Variants in COPG2 observed in about 807,000 individuals in gnomAD.
COPG2 encodes the protein coatomer subunit gamma-2.
Under a neutral mutation model 46.3 loss-of-function variants are expected in COPG2, and 37 were observed. That is an observed-to-expected ratio of 0.80 (90% CI 0.61 to 1.05). The LOEUF (loss-of-function observed/expected upper bound fraction) is 1.05. Among genes scored for constraint, COPG2 ranks in the 50% least tolerant of loss-of-function variants. The pLI, the probability that COPG2 is intolerant of heterozygous loss-of-function variation, is 0.00. For synonymous variants in COPG2, 159 were observed against 129.7 expected, an observed-to-expected ratio of 1.23 and a Z score of -1.53; for missense variants, 427 against 387.8, an observed-to-expected ratio of 1.10 and a Z score of -0.85.
intron 12 of COPG2, among the ~76,000 whole-genome samples, chr7:130,556,651 G>T (rs1462554343): frequency 1.3e-5 from 2 of 152,150 alleles, no homozygotes; most frequent in Non-Finnish European, 2.9e-5. Flanking sequence ...AAATATATTA[G>T]TTAATAGATT....
chr7:130,532,887 A>G (rs1799842744), intron 20 of COPG2, among the ~76,000 whole-genome samples: 1 of 152,156 alleles, frequency 6.6e-6, no homozygotes, highest in African/African-American at 2.4e-5. Context: ...ACCTGAGAAC[A>G]TGAATTAGGC....
At chr7:130,551,479 G>A (rs1227417807) in intron 15 of COPG2, 135 bp from the exon 16 acceptor site, 1 of 390,906 alleles carries the variant, frequency 2.6e-6, no homozygotes, top group Non-Finnish European at 4.5e-6. Context: ...ATAGCCAACA[G>A]TGGCTCCTAA....
chr7:130,563,233 C>T (rs1793744722), intron 11 of COPG2, 36 bp downstream of exon 11: 2 of 397,756 alleles, frequency 5.0e-6, no homozygotes, highest in Non-Finnish European at 8.9e-6. Flanking sequence ...CAATTAAATA[C>T]TGATATAAGT....
chr7:130,528,747 G>A (rs1052299913), intron 20 of COPG2, among the ~76,000 whole-genome samples: 2 of 151,646 alleles, frequency 1.3e-5, no homozygotes, highest in Non-Finnish European at 2.9e-5. Flanking sequence ...AGAATGAGTC[G>A]GAGCAGGCAA....
At chr7:130,647,769 C>T (rs544137088) in intron 5 of COPG2, among the ~76,000 whole-genome samples, 2 of 149,118 alleles carry the variant, frequency 1.3e-5, no homozygotes, top group African/African-American at 4.9e-5. Context: ...CTCACTCGGT[C>T]GCCCAGGCTG....
At chr7:130,585,194 C>A (rs1213733810) in intron 9 of COPG2, among the ~76,000 whole-genome samples, 3 of 151,998 alleles carry the variant, frequency 2.0e-5, no homozygotes, top group Non-Finnish European at 4.4e-5. Flanking sequence ...TTTGACAAAG[C>A]AAGCAAAACT....
At chr7:130,548,119 C>T (rs1320382273) in intron 19 of COPG2, among the ~76,000 whole-genome samples, 1 of 152,150 alleles carries the variant, frequency 6.6e-6, no homozygotes, top group Non-Finnish European at 1.5e-5. Context: ...CAGAATAGCC[C>T]ACTTAATCTA....
chr7:130,515,044 A>G (rs1799668075), intron 20 of COPG2, among the ~76,000 whole-genome samples: 1 of 152,170 alleles, frequency 6.6e-6, no homozygotes, highest in East Asian at 1.9e-4. Flanking sequence ...GTTGAAGAGC[A>G]ATGCTTCTTA....
At position 130,668,025 on chromosome 7, in the gene COPG2, TTC is replaced by T. The variant is rs370353801; in HGVS notation, c.38-493_38-492del. Among the ~76,000 whole-genome samples the T allele has an allele frequency of 5.5e-4, 84 of 152,268 alleles. 1 individual carries two copies. In the East Asian group the frequency reaches 0.015, roughly 27 times the overall value. On this transcript the variant is annotated intron_variant, in intron 1 of 23. Transcript: ENST00000425248. ...ATGCTACCAAACACTGAGAATTTTTTTCTTTTTGAGGATGCTTGGCATCTTCC... is the reference window on the plus strand; with the variant it reads ...ATGCTACCAAACACTGAGAATTTTTTTTTTTGAGGATGCTTGGCATCTTCC...
At chr7:130,554,987 C>T (rs965931404) in intron 13 of COPG2, 50 bp downstream of exon 13, 15 of 397,962 alleles carry the variant, frequency 3.8e-5, no homozygotes, top group Admixed American at 8.8e-5. Flanking sequence ...CATGGCAATC[C>T]TAAGAATTTA....
At chr7:130,590,968 C>T (rs1455136997) in intron 9 of COPG2, among the ~76,000 whole-genome samples, 4 of 140,854 alleles carry the variant, frequency 2.8e-5, no homozygotes, top group Non-Finnish European at 6.2e-5. Flanking sequence ...AGTGAGGAGC[C>T]CCTCCGCCCG....
rs533695059 is a variant in COPG2, at chr7:130,651,977, T to C, written c.323+892A>G. Reference sequence around the variant, plus strand: ...TAAAATGTTCTTTAAAGTGAGACTATATGGAATACGTAGATTGACTCCAAC... The same window carrying C: ...TAAAATGTTCTTTAAAGTGAGACTACATGGAATACGTAGATTGACTCCAAC... On this transcript the variant is annotated intron_variant, in intron 5 of 23. Transcript: ENST00000425248. 2.6e-5 allele frequency among the ~76,000 whole-genome samples: 4 copies of C among 152,322 alleles called. No homozygotes were observed. The South Asian group carries it at 8.3e-4, about 32-fold the overall frequency.
Position 130,574,529 on chromosome 7 carries a change from A to T in COPG2, c.738-10136T>A, listed in dbSNP as rs1045673199. 5.3e-5 allele frequency among the ~76,000 whole-genome samples: 8 copies of T among 152,316 alleles called. No individual in the cohort carries two copies. The East Asian group carries it at 1.5e-3, about 29-fold the overall frequency. Reference sequence around the variant, plus strand: ...ACATCCAAGCAACACCCCATGAGACAAAAGAATCAGAACAACAGACTTCCG... The same window carrying T: ...ACATCCAAGCAACACCCCATGAGACTAAAGAATCAGAACAACAGACTTCCG... On this transcript the variant is annotated intron_variant, in intron 9 of 23. Coordinates refer to ENST00000425248, the MANE Select transcript of COPG2 (RefSeq NM_012133.6).
chr7:130,591,034 A>G (rs1165713983), intron 9 of COPG2, among the ~76,000 whole-genome samples: 2 of 149,130 alleles, frequency 1.3e-5, no homozygotes, highest in East Asian at 2.1e-4. Flanking sequence ...CACCCCCTCC[A>G]GGAGGGAGGT....
chr7:130,558,609 C>A (rs1793668014), intron 12 of COPG2, among the ~76,000 whole-genome samples: 1 of 152,198 alleles, frequency 6.6e-6, no homozygotes, highest in Non-Finnish European at 1.5e-5. Context: ...CAGCCCCAAC[C>A]TCCCAGGCTC....
At chr7:130,647,630 A>G (rs751853518) in intron 5 of COPG2, among the ~76,000 whole-genome samples, 2 of 151,860 alleles carry the variant, frequency 1.3e-5, no homozygotes, top group Non-Finnish European at 2.9e-5. Flanking sequence ...GGGAGTTTCA[A>G]TTGTTCCAAA....
At chr7:130,550,308 G>A (rs1793516916) in intron 17 of COPG2, among the ~76,000 whole-genome samples, 1 of 151,328 alleles carries the variant, frequency 6.6e-6, no homozygotes, top group African/African-American at 2.4e-5. Flanking sequence ...CTACTCGGAA[G>A]GCTGAGGAAG....
At chr7:130,518,097 A>G (rs1799693817) in intron 20 of COPG2, among the ~76,000 whole-genome samples, 1 of 152,244 alleles carries the variant, frequency 6.6e-6, no homozygotes, top group Non-Finnish European at 1.5e-5. Flanking sequence ...CGTATTAATT[A>G]TGGATATGTA....
chr7:130,554,601 C>G lies in COPG2; in HGVS notation c.1348G>C (p.Val450Leu). ...CEFIEDCEHTVLATKILHLLG... is the reference protein window; with the variant it reads ...CEFIEDCEHTLLATKILHLLG... The stretch of plus-strand genomic sequence containing the variant: ...AAGTGTAGAATCTTAGTAGCCAGAA[C>G]AGTGTGTTCACAGTCCTCAATGAAT... The change falls in exon 14 of 24, where the codon GTT (valine) becomes CTT (leucine). Residue 450 changes from valine (V) to leucine (L), a missense_variant. Coordinates refer to ENST00000425248, the MANE Select transcript of COPG2 (RefSeq NM_012133.6). 1 of 398,546 alleles carries G rather than the reference C, an allele frequency of 2.5e-6. No individual in the cohort carries two copies. Among genetic ancestry groups the G allele is most frequent in the Non-Finnish European group, 4.4e-6 (1 of 226,056 alleles). The allele number at this position is 398,546 out of a possible 1,614,324, so 24.7% of individuals were successfully genotyped here.
Sources: gnomAD v4.1 joint callset for allele counts (sites outside exome capture counted in the v4.1 genomes callset) on GRCh38, gnomAD v4.1.1 for gene constraint, MANE v1.5 for transcripts, NCBI Gene and HGNC (gene_info 2026-07-23, HGNC 2026-07-21) for gene names.